OTUD7B: variants seen among roughly 807,000 people sequenced by gnomAD.
The protein encoded by OTUD7B is OTU deubiquitinase 7B.
OTUD7B carries 34 observed loss-of-function variants against 82.2 expected under a neutral mutation model. That is an observed-to-expected ratio of 0.41 (90% CI 0.31 to 0.55). The LOEUF is 0.55. Among genes scored for constraint, OTUD7B ranks in the 20% least tolerant of loss-of-function variants. The pLI is 0.20. For synonymous variants in OTUD7B, 398 were observed against 402.7 expected (o/e 0.99, Z 0.14); for missense variants, 944 against 1,062.1 (o/e 0.89, Z 1.55).
chr1:150,052,770 C>A, the OTUD7B span, among the ~76,000 whole-genome samples: 1 of 146,806 alleles, frequency 6.8e-6, no homozygotes, highest in South Asian at 2.1e-4. Context: ...CTACAGTGGC[C>A]AAAACAGCAT....
chr1:150,028,458 C>A, the OTUD7B span, among the ~76,000 whole-genome samples: 1 of 152,078 alleles, frequency 6.6e-6, no homozygotes, highest in African/African-American at 2.4e-5. Context: ...ACTACAGTAT[C>A]TTAGCCATTT....
Position 149,964,181 on chromosome 1 carries a change from T to C in OTUD7B, c.732+41A>G, listed in dbSNP as rs182921980. On this transcript the variant is annotated intron_variant, in intron 6 of 11. Transcript: ENST00000581312. ...GCACCCAGTGACTTTGGCAGCTTGG[T>C]AACTTTAGGAAACAAGGCGCTCCCA... The C allele has an allele frequency of 2.5e-6, 4 of 1,603,532 alleles. No individual in the cohort carries two copies. The East Asian group carries it at 8.9e-5, about 36-fold the overall frequency.
chr1:149,989,608 C>T, intron 1 of OTUD7B, among the ~76,000 whole-genome samples: 1 of 151,400 alleles, frequency 6.6e-6, no homozygotes, highest in African/African-American at 2.4e-5. Flanking sequence ...GGCATGGTGG[C>T]ACACACTGTA....
In OTUD7B at chr1:149,990,975, G is replaced by A. The variant is rs374528593; in HGVS notation, c.-66-13399C>T. On this transcript the variant is annotated intron_variant, in intron 1 of 11. Coordinates refer to ENST00000581312, the MANE Select transcript of OTUD7B (RefSeq NM_020205.4). ...CATTGCACTCCAGCCTGGGCAACAA[G>A]AGCGAAACTCCGTCGCAAAAAAAAA... is the stretch of plus-strand genomic sequence containing the variant. Among the ~76,000 whole-genome samples the A allele has an allele frequency of 3.7e-4, 49 of 133,916 alleles. 1 individual carries two copies. Among genetic ancestry groups the A allele is most frequent in the African/African-American group, 1.3e-3 (46 of 34,876 alleles). The allele number at this position is 133,916 out of a possible 152,430, so 87.9% of individuals were successfully genotyped here.
the OTUD7B span, among the ~76,000 whole-genome samples, chr1:150,048,230 C>T: frequency 2.6e-5 from 4 of 152,036 alleles, no homozygotes; most frequent in African/African-American, 7.2e-5. Context: ...AGAAAGGAGA[C>T]GTATCCTCCC....
chr1:149,979,849 T>G (rs1407708457), intron 1 of OTUD7B, among the ~76,000 whole-genome samples: 1 of 152,120 alleles, frequency 6.6e-6, no homozygotes, highest in African/African-American at 2.4e-5. Flanking sequence ...GAGGAAGTGG[T>G]AGCAGCTCAA....
chr1:150,024,976 A>T, the OTUD7B span, among the ~76,000 whole-genome samples: 1 of 152,252 alleles, frequency 6.6e-6, no homozygotes, highest in South Asian at 2.1e-4. Context: ...TGAACCCAGG[A>T]GGCAGAGGTT....
intron 1 of OTUD7B, among the ~76,000 whole-genome samples, chr1:149,984,627 T>G (rs909439344): frequency 6.6e-5 from 10 of 152,144 alleles, no homozygotes; most frequent in African/African-American, 2.4e-4. Flanking sequence ...CAAATGTATC[T>G]GCACCCCCAA....
intron 1 of OTUD7B, among the ~76,000 whole-genome samples, chr1:149,982,111 T>G (rs1362172074): frequency 6.6e-6 from 1 of 152,092 alleles, no homozygotes; most frequent in African/African-American, 2.4e-5. Context: ...ATCGCGCCAC[T>G]GCACTCCAGC....
In OTUD7B at chr1:149,938,092, C is replaced by T. The variant is rs2092737764; in HGVS notation, c.*5765G>A. On this transcript the variant is annotated 3_prime_UTR_variant, in exon 12 of 12. Transcript: ENST00000581312. ...TCCTAAAGGCTACAGAGCACCACCACCCCACCTGCCCCTAATGCATTCCAT... is the reference window on the plus strand; with the variant it reads ...TCCTAAAGGCTACAGAGCACCACCATCCCACCTGCCCCTAATGCATTCCAT... The T allele has an allele frequency of 6.6e-6, 1 of 152,398 alleles. No homozygotes were observed. The allele number at this position is 152,398 out of a possible 1,614,324, so 9.4% of individuals were successfully genotyped here. A position where few individuals can be genotyped will look rare whatever the true frequency, so the allele number is the denominator to read the frequency against.
At chr1:150,021,095 A>G in the OTUD7B span, among the ~76,000 whole-genome samples, 1 of 152,340 alleles carries the variant, frequency 6.6e-6, no homozygotes, top group Admixed American at 6.5e-5. Context: ...GATTTTTTTA[A>G]TAGCAAATAC....
chr1:150,040,063 A>G, the OTUD7B span, among the ~76,000 whole-genome samples: 1 of 152,206 alleles, frequency 6.6e-6, no homozygotes, highest in Non-Finnish European at 1.5e-5. Context: ...TATTCATGAA[A>G]AGCCTTCTAA....
chr1:150,037,343 T>G, the OTUD7B span, among the ~76,000 whole-genome samples: 1 of 151,928 alleles, frequency 6.6e-6, no homozygotes, highest in African/African-American at 2.4e-5. Context: ...GCATTTGCCT[T>G]GTATAAACCC....
chr1:150,017,599 T>C, the OTUD7B span, among the ~76,000 whole-genome samples: 1 of 152,174 alleles, frequency 6.6e-6, no homozygotes, highest in East Asian at 1.9e-4. Context: ...ACCAACACTT[T>C]AGCTCAGGCA....
At chr1:150,049,718 TA>T in the OTUD7B span, among the ~76,000 whole-genome samples, 1 of 145,052 alleles carries the variant, frequency 6.9e-6, no homozygotes, top group Non-Finnish European at 1.5e-5. Context: ...GCCTCCCGAG[TA>T]GCTAGGACCA....
At chr1:150,025,242 A>G in the OTUD7B span, among the ~76,000 whole-genome samples, 41 of 151,910 alleles carry the variant, frequency 2.7e-4, no homozygotes, top group African/African-American at 9.7e-4. Flanking sequence ...ACCAACATGG[A>G]GAAACCCTGT....
chr1:150,037,782 G>T, the OTUD7B span, among the ~76,000 whole-genome samples: 1 of 151,818 alleles, frequency 6.6e-6, no homozygotes, highest in Admixed American at 6.6e-5. Flanking sequence ...CTGAGACGGG[G>T]TTTCAATCAT....
chr1:149,989,471 CAAAAA>C (rs1158826492), intron 1 of OTUD7B, among the ~76,000 whole-genome samples: 1 of 112,882 alleles, frequency 8.9e-6, no homozygotes. Context: ...AGACTCTGTC[CAAAAA>C]AAAAAAAAAG....
the OTUD7B span, among the ~76,000 whole-genome samples, chr1:150,022,155 T>C: frequency 2.0e-5 from 3 of 152,044 alleles, no homozygotes; most frequent in Non-Finnish European, 4.4e-5. Context: ...CCCAGCACTT[T>C]GGAAGGCTGA....
Sources: gnomAD v4.1 joint callset for allele counts (sites outside exome capture counted in the v4.1 genomes callset) on GRCh38, gnomAD v4.1.1 for gene constraint, MANE v1.5 for transcripts, NCBI Gene and HGNC (gene_info 2026-07-23, HGNC 2026-07-21) for gene names.